MINK1: variants seen among roughly 807,000 people sequenced by gnomAD.
The protein encoded by MINK1 is misshapen-like kinase 1.
MINK1 carries 46 observed loss-of-function variants against 178.4 expected under a neutral mutation model. The ratio of observed to expected loss-of-function variants is 0.26; its 90% CI spans 0.20 to 0.33. MINK1 has a LOEUF of 0.33. Among genes scored for constraint, MINK1 ranks in the 10% least tolerant of loss-of-function variants. The pLI, the probability that MINK1 is intolerant of heterozygous loss-of-function variation, is 1.00. For synonymous variants in MINK1, 797 were observed against 709.7 expected, an observed-to-expected ratio of 1.12 and a Z score of -1.96; for missense variants, 1,366 against 1,814.9, an observed-to-expected ratio of 0.75 and a Z score of 4.49.
chr17:4,896,776 C>A lies in MINK1; in HGVS notation c.3878C>A (p.Ala1293Asp). The A allele has an allele frequency of 6.3e-7, 1 of 1,586,144 alleles. No homozygotes were observed. The change falls in exon 31 of 32, where the codon GCT becomes GAT. Residue 1293 changes from alanine to aspartate, a missense_variant. By Grantham distance (126) the Ala-to-Asp change is moderately radical (BLOSUM62 -2). This residue lies in a region of MINK1 where 201 missense variants were observed against 240.7 expected (regional missense o/e 0.84). Transcript: ENST00000355280. The surrounding 1 kb of genome is among the most constrained non-coding windows in gnomAD (Gnocchi z 4.6). ...HLDGVFMHKR[A>D]QRLKFLCERN... ...GACGGGGTCTTCATGCACAAACGAG[C>A]TCAGAGGCTCAAGTTCCTGTGTGAG...
chr17:4,859,045 C>A, intron 1 of MINK1: 1 of 828,514 alleles, frequency 1.2e-6, no homozygotes, highest in Non-Finnish European at 1.5e-6. Context: ...GGTAGGATGG[C>A]ACCTTGCCTG....
intron 2 of MINK1, among the ~76,000 whole-genome samples, chr17:4,879,453 T>C (rs1487949384): frequency 6.6e-6 from 1 of 152,192 alleles, no homozygotes; most frequent in African/African-American, 2.4e-5. Context: ...CTTGCAAACT[T>C]TGGGGAAACA....
chr17:4,895,538 T>A lies in MINK1; in HGVS notation c.3229+45T>A. On this transcript the variant is annotated intron_variant, in intron 26 of 31. Coordinates refer to ENST00000355280, the MANE Select transcript of MINK1 (RefSeq NM_153827.5). This position sits in a 1 kb window ranked among gnomAD's most constrained non-coding sequence, Gnocchi z 4.3. ...GGGAGGGAGGAGGGGCTCAGCTCCT[T>A]GGCGCTGTCACCATCTTCTGCCTGG... The A allele has an allele frequency of 1.9e-6, 3 of 1,553,986 alleles. No homozygotes were observed. In the South Asian group the frequency reaches 3.7e-5, roughly 19 times the overall value.
chr17:4,892,814 A>T (rs765601416), intron 19 of MINK1, 46 bp downstream of exon 19: 1 of 1,527,756 alleles, frequency 6.5e-7, no homozygotes, highest in Admixed American at 1.8e-5. Context: ...CTGGGGGCTT[A>T]TCACCATGGA....
intron 1 of MINK1, among the ~76,000 whole-genome samples, chr17:4,867,072 CAA>C (rs1491566375): frequency 2.3e-4 from 4 of 17,750 alleles, no homozygotes; most frequent in African/African-American, 6.2e-4. Flanking sequence ...AGACTCGTCT[CAA>C]AATAATAATA....
At chr17:4,857,918 G>C (rs1913463166) in intron 1 of MINK1, among the ~76,000 whole-genome samples, 1 of 151,546 alleles carries the variant, frequency 6.6e-6, no homozygotes, top group Non-Finnish European at 1.5e-5. Context: ...CCAAATCTCT[G>C]CCAGTACTGT....
At chr17:4,883,838 A>C (rs1175392610) in intron 4 of MINK1, among the ~76,000 whole-genome samples, 1 of 149,738 alleles carries the variant, frequency 6.7e-6, no homozygotes, top group African/African-American at 2.5e-5. Flanking sequence ...GCGCCCAGCC[A>C]TAAAGCAGTA....
chr17:4,886,909 C>T lies in MINK1; in HGVS notation c.950-201C>T, dbSNP rs1480792905. On this transcript the variant is annotated intron_variant, in intron 10 of 31. Coordinates refer to ENST00000355280, the MANE Select transcript of MINK1 (RefSeq NM_153827.5). The surrounding 1 kb of genome is among the most constrained non-coding windows in gnomAD (Gnocchi z 6.1). ...AGCACAAGCACAGGCTCTGCCACAC[C>T]TCAGCTGCCCTGGGACCCAGTCCCG... is the stretch of plus-strand genomic sequence containing the variant. Among the ~76,000 whole-genome samples, 4 of 151,854 alleles carry T rather than the reference C, an allele frequency of 2.6e-5. No homozygotes were observed. In the East Asian group the frequency reaches 7.7e-4, roughly 29 times the overall value.
At chr17:4,865,512 C>T (rs1417972290) in intron 1 of MINK1, among the ~76,000 whole-genome samples, 1 of 151,638 alleles carries the variant, frequency 6.6e-6, no homozygotes, top group Non-Finnish European at 1.5e-5. Context: ...TTTTTCTTCC[C>T]CTTTTTCTCA....
At position 4,896,241 on chromosome 17, in the gene MINK1, G is replaced by C; in HGVS notation, c.3514G>C (p.Glu1172Gln). 6.2e-7 allele frequency: 1 copy of C among 1,606,580 alleles called. No individual in the cohort carries two copies. ...CCCTCTGCTGGTCGACCTGACAGTAGAGGAGGGGCAGCGGCTCAAGGTCAT... is the reference window on the plus strand; with the variant it reads ...CCCTCTGCTGGTCGACCTGACAGTACAGGAGGGGCAGCGGCTCAAGGTCAT... ...HRPLLVDLTV[E>Q]EGQRLKVIYG... Residue 1172 changes from glutamate to glutamine, a missense_variant, in exon 29 of 32, where the codon GAG becomes CAG. Coordinates refer to ENST00000355280, the MANE Select transcript of MINK1 (RefSeq NM_153827.5). This position sits in a 1 kb window ranked among gnomAD's most constrained non-coding sequence, Gnocchi z 4.6.
intron 4 of MINK1, 92 bp from the exon 5 acceptor site, chr17:4,884,271 C>G: frequency 1.0e-6 from 1 of 964,474 alleles, no homozygotes; most frequent in South Asian, 1.4e-5. Context: ...GGTCTCTTAT[C>G]CTCCTCCAGG....
At chr17:4,890,440 A>T in intron 13 of MINK1, 77 bp from the exon 14 acceptor site, 1 of 1,512,464 alleles carries the variant, frequency 6.6e-7, no homozygotes, top group Non-Finnish European at 8.9e-7. Context: ...AGGCAGTTGG[A>T]GAAAAGAGAG....
Position 4,887,617 on chromosome 17 carries a change from C to A in MINK1, c.1057C>A (p.Arg353=). ...MNVPGESTLR[R]EFLRLQQENK... Reference sequence around the variant, plus strand: ...CGTGCCTGGAGAGTCGACTCTACGCCGGGAGTTTCTCCGGCTCCAGCAGGA... The same window carrying A: ...CGTGCCTGGAGAGTCGACTCTACGCAGGGAGTTTCTCCGGCTCCAGCAGGA... The change falls in exon 12 of 32, where the codon CGG becomes AGG. Residue 353 remains arginine (R), a synonymous_variant. Coordinates refer to ENST00000355280, the MANE Select transcript of MINK1 (RefSeq NM_153827.5). The surrounding 1 kb of genome is among the most constrained non-coding windows in gnomAD (Gnocchi z 7.6). 1.3e-6 allele frequency: 2 copies of A among 1,565,096 alleles called. No homozygotes were observed. Among genetic ancestry groups the A allele is most frequent in the East Asian group, 2.4e-5 (1 of 42,344 alleles).
chr17:4,840,003 G>A (rs1254405032), intron 1 of MINK1, among the ~76,000 whole-genome samples: 1 of 149,216 alleles, frequency 6.7e-6, no homozygotes, highest in Non-Finnish European at 1.5e-5. Context: ...GCCATGATAA[G>A]GACTGTAGTG....
rs747198743 is a variant in MINK1, at chr17:4,896,115, C to T, written c.3465+12C>T. On this transcript the variant is annotated intron_variant, in intron 28 of 31. Transcript: ENST00000355280. This position sits in a 1 kb window ranked among gnomAD's most constrained non-coding sequence, Gnocchi z 4.6. ...TCATGGCCTTCAAGGTAATCCCAGC[C>T]TCGGTCCCTAACACCATCTGGAGTC... The T allele has an allele frequency of 8.7e-6, 14 of 1,606,160 alleles. No homozygotes were observed. Among genetic ancestry groups the T allele is most frequent in the Middle Eastern group, 1.6e-4 (1 of 6,070 alleles).
At chr17:4,859,191 A>AGGACTTCCATCCCTTCCCCAG in intron 1 of MINK1, 4 of 985,448 alleles carry the variant, frequency 4.1e-6, no homozygotes, top group Non-Finnish European at 4.8e-6. Flanking sequence ...TTCTTTCCCA[A>AGGACTTCCATCCCTTCCCCAG]GGACTTCCAT....
chr17:4,852,027 A>C (rs949305060), intron 1 of MINK1, among the ~76,000 whole-genome samples: 1 of 137,440 alleles, frequency 7.3e-6, no homozygotes, highest in African/African-American at 2.6e-5. Context: ...AAAAAAAAAA[A>C]CTAAGAAAGT....
chr17:4,891,196 G>GCACGCA, intron 15 of MINK1, 72 bp downstream of exon 15: 2 of 850,042 alleles, frequency 2.4e-6, no homozygotes, highest in Non-Finnish European at 3.3e-6. Context: ...ACACACACAC[G>GCACGCA]CGCGCACACA....
intron 1 of MINK1, among the ~76,000 whole-genome samples, chr17:4,843,598 G>GAA: frequency 6.6e-6 from 1 of 152,224 alleles, no homozygotes; most frequent in African/African-American, 2.4e-5. Flanking sequence ...TTTATATTAT[G>GAA]ATGCAGATTC....
Sources: allele counts gnomAD v4.1 joint callset (sites outside exome capture counted in the v4.1 genomes callset), GRCh38; gene constraint gnomAD v4.1.1; regional missense constraint gnomAD v4.1.1; non-coding constraint Gnocchi (gnomAD v3.1); transcripts MANE v1.5; gene names NCBI Gene and HGNC (gene_info 2026-07-23, HGNC 2026-07-21).